The following MAP3K9 variants were observed in gnomAD, a reference collection of about 807,000 sequenced individuals.
MAP3K9 encodes mixed lineage kinase 1 (tyr and ser/thr specificity).
In MAP3K9, 46 loss-of-function variants were observed where a neutral mutation model predicts 95.8. The observed-to-expected ratio is 0.48, with a 90% confidence interval of 0.38 to 0.61. The LOEUF (loss-of-function observed/expected upper bound fraction) is 0.61, where lower values mean the gene tolerates loss of function less well. Among genes scored for constraint, MAP3K9 ranks in the 20% least tolerant of loss-of-function variants. The pLI is 0.00. For missense variants in MAP3K9, 1,296 were observed against 1,474.3 expected, an observed-to-expected ratio of 0.88 and a Z score of 1.98; for synonymous variants, 533 against 593.8, an observed-to-expected ratio of 0.90 and a Z score of 1.49.
chr14:70,772,148 A>G (rs187292518), intron 2 of MAP3K9, among the ~76,000 whole-genome samples: 113 of 152,294 alleles, frequency 7.4e-4, no homozygotes, highest in Admixed American at 2.2e-3. Flanking sequence ...AGACGCCAGC[A>G]GCAACGGTGG....
intron 2 of MAP3K9, among the ~76,000 whole-genome samples, chr14:70,772,544 G>T (rs187391690): frequency 6.6e-6 from 1 of 152,048 alleles, no homozygotes; most frequent in South Asian, 2.1e-4. Flanking sequence ...ATCCCAAAAG[G>T]TGTCTGCTTA....
intron 2 of MAP3K9, among the ~76,000 whole-genome samples, chr14:70,790,281 C>G (rs191683271): frequency 6.6e-6 from 1 of 152,350 alleles, no homozygotes; most frequent in East Asian, 1.9e-4. Flanking sequence ...GAACAAGCCC[C>G]GAAGTGGGGA....
At chr14:70,756,133 A>T (rs1374305167) in intron 3 of MAP3K9, among the ~76,000 whole-genome samples, 1 of 152,164 alleles carries the variant, frequency 6.6e-6, no homozygotes, top group African/African-American at 2.4e-5. Flanking sequence ...TGGAGAAAAA[A>T]GCTCTGCAAT....
At chr14:70,748,514 A>G (rs2332456) in intron 5 of MAP3K9, among the ~76,000 whole-genome samples, 151,563 of 152,360 alleles carry the variant, frequency 0.99, 75,428 homozygotes, top group Middle Eastern at 1. Flanking sequence ...CCTATATCAA[A>G]TTAACCTTCT....
chr14:70,730,414 GC>G lies in MAP3K9; in HGVS notation c.3280del (p.Ala1094ProfsTer27). 6.2e-7 allele frequency: 1 copy of G among 1,613,778 alleles called. No individual in the cohort carries two copies. The highest frequency in any genetic ancestry group is 1.1e-5 in the South Asian group (1 of 91,062). On this transcript the variant is annotated frameshift_variant, in exon 12 of 12. Transcript: ENST00000554752. LOFTEE classifies it high-confidence loss of function. ...CRAELNTHRP[A>X]PYEIQQEFWS ...GAACTCCTGCTGGATCTCATAAGGGGCAGGCCTGTGTGTGTTCAGTTCCGCT... is the reference window on the plus strand; with the variant it reads ...GAACTCCTGCTGGATCTCATAAGGGGAGGCCTGTGTGTGTTCAGTTCCGCT...
At position 70,758,092 on chromosome 14, in the gene MAP3K9, T is replaced by G. The variant is rs896578569; in HGVS notation, c.1001+2910A>C. Among the ~76,000 whole-genome samples the G allele has an allele frequency of 3.9e-5, 6 of 152,170 alleles. No individual in the cohort carries two copies. In the East Asian group the frequency reaches 7.7e-4, roughly 20 times the overall value. ...AAAACACTGTTTCAAAGAACAGCCT[T>G]AAGAAAGTGGAAAAACAATCTACAG... is the stretch of plus-strand genomic sequence containing the variant. On this transcript the variant is annotated intron_variant, in intron 3 of 11. Coordinates refer to ENST00000554752, the MANE Select transcript of MAP3K9 (RefSeq NM_001284230.2).
intron 2 of MAP3K9, among the ~76,000 whole-genome samples, chr14:70,788,521 G>C (rs1204113562): frequency 6.6e-6 from 1 of 152,162 alleles, no homozygotes; most frequent in African/African-American, 2.4e-5. Flanking sequence ...AAGGTCCTTA[G>C]CTAGCAAGTA....
chr14:70,806,282 C>T (rs2054989139), intron 1 of MAP3K9, among the ~76,000 whole-genome samples: 1 of 152,200 alleles, frequency 6.6e-6, no homozygotes, highest in African/African-American at 2.4e-5. Flanking sequence ...TATTTACATA[C>T]TTAATCTCCC....
At position 70,809,133 on chromosome 14, in the gene MAP3K9, G is replaced by A; in HGVS notation, c.39C>T (p.Ser13=). 1 of 1,380,092 alleles carries A rather than the reference G, an allele frequency of 7.2e-7. No individual in the cohort carries two copies. Among genetic ancestry groups the A allele is most frequent in the Middle Eastern group, 2.6e-4 (1 of 3,916 alleles). The allele number at this position is 1,380,092 out of a possible 1,614,324, so 85.5% of individuals were successfully genotyped here. ...PSRALLGCLA[S]AAAAAPPGED... Reference sequence around the variant, plus strand: ...CCCCCGGCGGGGCGGCAGCGGCGGCGCTCGCTAGGCAGCCGAGAAGCGCTC... The same window carrying A: ...CCCCCGGCGGGGCGGCAGCGGCGGCACTCGCTAGGCAGCCGAGAAGCGCTC... The change falls in exon 1 of 12, where the codon AGC becomes AGT. Residue 13 remains serine, a synonymous_variant. Coordinates refer to ENST00000554752, the MANE Select transcript of MAP3K9 (RefSeq NM_001284230.2).
At chr14:70,742,932 TATATAG>T (rs1182387668) in intron 5 of MAP3K9, among the ~76,000 whole-genome samples, 5 of 137,464 alleles carry the variant, frequency 3.6e-5, no homozygotes, top group Admixed American at 3.6e-4. Context: ...TATATATATA[TATATAG>T]GTTTGAATAG....
At position 70,800,666 on chromosome 14, in the gene MAP3K9, C is replaced by T; in HGVS notation, c.820+1G>A. The T allele has an allele frequency of 6.2e-7, 1 of 1,611,952 alleles. No homozygotes were observed. The highest frequency in any genetic ancestry group is 8.5e-7 in the Non-Finnish European group (1 of 1,178,978). ...CTCCAGCCCCATCTCTTCATACTCA[C>T]TGTTGCTGGACTTAAGGTCGCGGTG... is the stretch of plus-strand genomic sequence containing the variant. On this transcript the variant is annotated splice_donor_variant, in intron 2 of 11. Transcript: ENST00000554752. LOFTEE classifies it high-confidence loss of function.
chr14:70,778,089 GTTGTTGTTGTTA>G (rs1289888572), intron 2 of MAP3K9, among the ~76,000 whole-genome samples: 4 of 151,964 alleles, frequency 2.6e-5, no homozygotes, highest in East Asian at 3.9e-4. Flanking sequence ...TTTGTTGTTT[GTTGTTGTTGTTA>G]TTGTTGTTGT....
intron 2 of MAP3K9, among the ~76,000 whole-genome samples, chr14:70,766,194 T>G (rs2054453141): frequency 6.6e-6 from 1 of 152,122 alleles, no homozygotes; most frequent in African/African-American, 2.4e-5. Flanking sequence ...CTAGGTTCAC[T>G]GTAACAAGAG....
rs1279014636 is a variant in MAP3K9 at position 70,803,031 on chromosome 14, C to CTCGAA, written c.407-1956_407-1952dup. On this transcript the variant is annotated intron_variant, in intron 1 of 11. Coordinates refer to ENST00000554752, the MANE Select transcript of MAP3K9 (RefSeq NM_001284230.2). ...CCTCACAGTAATGAGTGAGTTCTTG[C>CTCGAA]TCGAATTCACACAAGATCTGGTTGT... is the stretch of plus-strand genomic sequence containing the variant. Among the ~76,000 whole-genome samples, 4 of 152,180 alleles carry CTCGAA rather than the reference C, an allele frequency of 2.6e-5. No individual in the cohort carries two copies. The East Asian group carries it at 7.7e-4, about 29-fold the overall frequency.
rs372690086 is a variant in MAP3K9, at chr14:70,730,593, G to C, written c.3102C>G (p.Ser1034=). 7.4e-6 allele frequency: 12 copies of C among 1,614,084 alleles called. No individual in the cohort carries two copies. The highest frequency in any genetic ancestry group is 1.6e-4 in the Middle Eastern group (1 of 6,062). ...SSTETPSNLD[S]CFASSSSTVE... The stretch of plus-strand genomic sequence containing the variant: ...CAGTGCTGCTACTGCTAGCAAAGCA[G>C]GAGTCCAGGTTGCTGGGCGTCTCTG... The change falls in exon 12 of 12, where the codon TCC becomes TCG. Residue 1034 remains serine, a synonymous_variant. Transcript: ENST00000554752.
chr14:70,765,402 T>C (rs541063052), intron 2 of MAP3K9: 6 of 661,198 alleles, frequency 9.1e-6, no homozygotes, highest in Non-Finnish European at 1.6e-5. Context: ...TGGTATACAG[T>C]AATGTCCTAG....
chr14:70,734,192 CCTGA>C (rs1179649236), intron 10 of MAP3K9, among the ~76,000 whole-genome samples, 190 bp downstream of exon 10: 5 of 152,194 alleles, frequency 3.3e-5, no homozygotes, highest in South Asian at 2.1e-4. Flanking sequence ...TCTGGAGAAC[CCTGA>C]CTAATACCGG....
At chr14:70,773,869 A>T (rs1347806798) in intron 2 of MAP3K9, among the ~76,000 whole-genome samples, 1 of 152,254 alleles carries the variant, frequency 6.6e-6, no homozygotes, top group Non-Finnish European at 1.5e-5. Context: ...CACTTATTTC[A>T]GCTAGTGTTA....
intron 1 of MAP3K9, among the ~76,000 whole-genome samples, chr14:70,807,162 CTA>C (rs1174921623): frequency 6.6e-6 from 1 of 152,142 alleles, no homozygotes; most frequent in Non-Finnish European, 1.5e-5. Flanking sequence ...AGCGAAGAGG[CTA>C]TGATTTTGAT....
Sources: gnomAD v4.1 joint callset for allele counts (sites outside exome capture counted in the v4.1 genomes callset) on GRCh38, gnomAD v4.1.1 for gene constraint, MANE v1.5 for transcripts, NCBI Gene and HGNC (gene_info 2026-07-23, HGNC 2026-07-21) for gene names.